NDC1: variants seen among roughly 807,000 people sequenced by gnomAD.
NDC1 encodes nucleoporin NDC1.
NDC1 carries 24 observed loss-of-function variants against 89.8 expected under a neutral mutation model. The observed-to-expected ratio is 0.27, with a 90% CI of 0.19 to 0.38. The LOEUF is 0.38. Among genes scored for constraint, NDC1 ranks in the 10% least tolerant of loss-of-function variants. The pLI, the probability that NDC1 is intolerant of heterozygous loss-of-function variation, is 1.00. For missense variants in NDC1, 728 were observed against 797.6 expected (o/e 0.91, Z 1.05); for synonymous variants, 296 against 284.8 (o/e 1.04, Z -0.39).
chr1:53,823,097 T>G (rs904392878), intron 5 of NDC1, among the ~76,000 whole-genome samples: 1 of 152,172 alleles, frequency 6.6e-6, no homozygotes, highest in East Asian at 1.9e-4. Context: ...CTTACAAACC[T>G]GATAGGCAGG....
At chr1:53,800,373 G>A (rs182205782) in intron 11 of NDC1, among the ~76,000 whole-genome samples, 14 of 107,752 alleles carry the variant, frequency 1.3e-4, no homozygotes, top group Non-Finnish European at 2.0e-4. Flanking sequence ...GTCTCACTCT[G>A]TCGCCAGGCT....
intron 16 of NDC1, among the ~76,000 whole-genome samples, chr1:53,786,449 T>A (rs960334362): frequency 6.6e-6 from 1 of 152,212 alleles, no homozygotes; most frequent in African/African-American, 2.4e-5. Flanking sequence ...GTGATAGGCA[T>A]CTACTGGCCT....
At position 53,804,021 on chromosome 1, in the gene NDC1, A is replaced by G; in HGVS notation, c.985-12T>C. On this transcript the variant is annotated splice_polypyrimidine_tract_variant and intron_variant, in intron 9 of 17. Coordinates refer to ENST00000371429, the MANE Select transcript of NDC1 (RefSeq NM_018087.5). ...TGCAAGGCTAAATACTAACAGGGGG[A>G]AAAAACACATATTATTTAATTTTTT... 1 of 1,592,980 alleles carries G rather than the reference A, an allele frequency of 6.3e-7. No individual in the cohort carries two copies. The highest frequency in any genetic ancestry group is 8.6e-7 in the Non-Finnish European group (1 of 1,162,226).
In NDC1 at chr1:53,828,058, A is replaced by G; in HGVS notation, c.396T>C (p.Ala132=). Residue 132 remains alanine (A), a synonymous_variant, in exon 4 of 18, where the codon GCT becomes GCC. Transcript: ENST00000371429. ...TGTACTGGCCCTGGGTTATCACTGCAGCACACCAGGCCATCACCATTCCCA... is the reference window on the plus strand; with the variant it reads ...TGTACTGGCCCTGGGTTATCACTGCGGCACACCAGGCCATCACCATTCCCA... ...AAMGMVMAWC[A]AVITQGQYSF... 1 of 1,614,176 alleles carries G rather than the reference A, an allele frequency of 6.2e-7. No individual in the cohort carries two copies. The highest frequency in any genetic ancestry group is 8.5e-7 in the Non-Finnish European group (1 of 1,180,016).
At position 53,797,043 on chromosome 1, in the gene NDC1, C is replaced by T; in HGVS notation, c.1324G>A (p.Asp442Asn). 2.5e-6 allele frequency: 4 copies of T among 1,614,090 alleles called. No individual in the cohort carries two copies. Among genetic ancestry groups the T allele is most frequent in the Non-Finnish European group, 3.4e-6 (4 of 1,180,030 alleles). ...SLFSSKLSTP[D>N]VVSPFGTPFG... ...GGGGTCCCAAATGGGCTCACAACAT[C>T]AGGTGTAGATAATTTTGAAGAAAAC... The change falls in exon 12 of 18, where the codon GAT (aspartate) becomes AAT (asparagine). Residue 442 changes from aspartate (D) to asparagine (N), a missense_variant. Asp to Asn is a conservative substitution (Grantham distance 23). Transcript: ENST00000371429.
At chr1:53,783,781 AG>A (rs1321157354) in intron 16 of NDC1, among the ~76,000 whole-genome samples, 5 of 152,194 alleles carry the variant, frequency 3.3e-5, no homozygotes, top group African/African-American at 1.2e-4. Flanking sequence ...TGATTCCGCA[AG>A]AAGGCCCTTA....
intron 5 of NDC1, among the ~76,000 whole-genome samples, chr1:53,820,401 G>A (rs985113075): frequency 3.3e-5 from 5 of 152,166 alleles, no homozygotes; most frequent in African/African-American, 1.2e-4. Context: ...ATCGGGGAGT[G>A]GGGAGGGATA....
rs138762442 is a variant in NDC1, at chr1:53,798,138, T to TTTTTTA, written c.1223-995_1223-994insTAAAAA. On this transcript the variant is annotated intron_variant, in intron 11 of 17. Coordinates refer to ENST00000371429, the MANE Select transcript of NDC1 (RefSeq NM_018087.5). ...CATTGCATTAGGATTCCATCTTCTT[T>TTTTTTA]TTATTATTATTATTATTATTATTAT... 8.7e-3 allele frequency among the ~76,000 whole-genome samples: 1,156 copies of TTTTTTA among 133,016 alleles called. 6 individuals carry two copies. Among genetic ancestry groups the TTTTTTA allele is most frequent in the Middle Eastern group, 0.015 (4 of 270 alleles). The allele number at this position is 133,016 out of a possible 152,430, so 87.3% of individuals were successfully genotyped here. A position where few individuals can be genotyped will look rare whatever the true frequency, so the allele number is the denominator to read the frequency against.
intron 16 of NDC1, among the ~76,000 whole-genome samples, chr1:53,777,178 C>G (rs1647170390): frequency 6.6e-6 from 1 of 152,054 alleles, no homozygotes; most frequent in African/African-American, 2.4e-5. Context: ...CACCACAGCA[C>G]CCAGCTAATT....
chr1:53,779,883 G>A (rs1647190189), intron 16 of NDC1, among the ~76,000 whole-genome samples: 1 of 151,916 alleles, frequency 6.6e-6, no homozygotes, highest in African/African-American at 2.4e-5. Flanking sequence ...GTTGGTCAAG[G>A]GTCTCTGGGC....
chr1:53,804,046 T>A (rs1185904171), intron 9 of NDC1, 37 bp from the exon 10 acceptor site: 1 of 1,475,968 alleles, frequency 6.8e-7, no homozygotes, highest in Non-Finnish European at 9.5e-7. Context: ...TTTAATTTTT[T>A]TTAACCTCTA....
intron 16 of NDC1, among the ~76,000 whole-genome samples, chr1:53,772,960 C>A (rs925440506): frequency 1.3e-5 from 2 of 151,924 alleles, no homozygotes; most frequent in African/African-American, 4.8e-5. Context: ...CAGGCCCCCC[C>A]CAAAATCCAG....
intron 5 of NDC1, among the ~76,000 whole-genome samples, chr1:53,820,708 T>TC (rs1185594734): frequency 7.2e-6 from 1 of 138,828 alleles, no homozygotes; most frequent in African/African-American, 2.8e-5. Context: ...TCTCTTTTTT[T>TC]TTTTTTTTTT....
At chr1:53,825,674 T>C in intron 5 of NDC1, 124 bp downstream of exon 5, 1 of 805,476 alleles carries the variant, frequency 1.2e-6, no homozygotes, top group Non-Finnish European at 1.9e-6. Flanking sequence ...TTTTGAGGAT[T>C]TCAGTTCTAA....
rs561933942 is a variant in NDC1, at chr1:53,834,965, G to A, written c.178+535C>T. Among the ~76,000 whole-genome samples the A allele has an allele frequency of 3.0e-3, 370 of 124,366 alleles. 2 individuals are homozygous for A. The highest frequency in any genetic ancestry group is 0.015 in the African/African-American group (350 of 22,752). The allele number at this position is 124,366 out of a possible 152,430, so 81.6% of individuals were successfully genotyped here. On this transcript the variant is annotated intron_variant, in intron 2 of 17. Coordinates refer to ENST00000371429, the MANE Select transcript of NDC1 (RefSeq NM_018087.5). Reference sequence around the variant, plus strand: ...TCTACTAAAAATACAAAAATCAGCCGGGCGTGGTGGCGCGTGCTGAGGCAC... The same window carrying A: ...TCTACTAAAAATACAAAAATCAGCCAGGCGTGGTGGCGCGTGCTGAGGCAC...
chr1:53,836,539 C>A (rs1335925331), intron 1 of NDC1, among the ~76,000 whole-genome samples: 1 of 151,804 alleles, frequency 6.6e-6, no homozygotes, highest in Admixed American at 6.6e-5. Flanking sequence ...CTCTGTCCCC[C>A]AGGCTAGATG....
chr1:53,805,999 G>A (rs764952258), intron 9 of NDC1, among the ~76,000 whole-genome samples: 93 of 152,134 alleles, frequency 6.1e-4, no homozygotes, highest in Middle Eastern at 3.2e-3. Context: ...GCGTGAACCC[G>A]GGAGGCGGAG....
At chr1:53,832,432 C>G in intron 3 of NDC1, 58 bp downstream of exon 3, 1 of 893,738 alleles carries the variant, frequency 1.1e-6, no homozygotes, top group Non-Finnish European at 1.8e-6. Flanking sequence ...TGTACTAAGT[C>G]TTCCCTTAGT....
chr1:53,791,950 T>C (rs1647521101), intron 14 of NDC1, among the ~76,000 whole-genome samples: 1 of 151,910 alleles, frequency 6.6e-6, no homozygotes, highest in Non-Finnish European at 1.5e-5. Context: ...CTTCTTCTTT[T>C]TTTTTTTTTT....
Sources: gnomAD v4.1 joint callset for allele counts (sites outside exome capture counted in the v4.1 genomes callset) on GRCh38, gnomAD v4.1.1 for gene constraint, MANE v1.5 for transcripts, NCBI Gene and HGNC (gene_info 2026-07-23, HGNC 2026-07-21) for gene names.